The following THSD7A variants were observed in gnomAD, a reference collection of about 807,000 sequenced individuals.
THSD7A encodes the protein thrombospondin type-1 domain-containing protein 7A.
In THSD7A, 96 loss-of-function variants were observed where a neutral mutation model predicts 231.3. The observed-to-expected ratio is 0.41, with a 90% CI of 0.35 to 0.49. THSD7A has a LOEUF of 0.49. Ranked by LOEUF, THSD7A falls within the 20% of genes least tolerant of loss-of-function variation. THSD7A has a pLI of 0.05. For missense variants in THSD7A, 2,290 were observed against 2,070.2 expected, an observed-to-expected ratio of 1.11 and a Z score of -2.06; for synonymous variants, 940 against 743.3, an observed-to-expected ratio of 1.26 and a Z score of -4.30.
intron 1 of THSD7A, among the ~76,000 whole-genome samples, chr7:11,768,286 G>A (rs764820481): frequency 5.3e-5 from 8 of 152,068 alleles, no homozygotes; most frequent in East Asian, 1.9e-4. Context: ...ATTGGCAAAC[G>A]GAATCATATG....
chr7:11,804,899 A>G (rs1157840957), intron 1 of THSD7A, among the ~76,000 whole-genome samples: 2 of 152,108 alleles, frequency 1.3e-5, no homozygotes, highest in East Asian at 3.9e-4. Context: ...GTAATAGAGG[A>G]TCTCTATAAA....
intron 16 of THSD7A, among the ~76,000 whole-genome samples, chr7:11,418,114 G>A (rs1392225777): frequency 6.6e-6 from 1 of 152,176 alleles, no homozygotes; most frequent in Non-Finnish European, 1.5e-5. Flanking sequence ...AGATTTCATT[G>A]AGTGTTTTTG....
chr7:11,482,263 G>T (rs1008061319), intron 6 of THSD7A, among the ~76,000 whole-genome samples: 1 of 152,072 alleles, frequency 6.6e-6, no homozygotes, highest in Non-Finnish European at 1.5e-5. Context: ...ACAGACACCT[G>T]CCCATTAAGT....
At chr7:11,671,055 A>G (rs1458217034) in intron 1 of THSD7A, among the ~76,000 whole-genome samples, 1 of 152,198 alleles carries the variant, frequency 6.6e-6, no homozygotes, top group Non-Finnish European at 1.5e-5. Flanking sequence ...TCTGGAGGCT[A>G]ATAGTAGATA....
In THSD7A at chr7:11,417,587, C is replaced by A. The variant is rs1008712177; in HGVS notation, c.3400G>T (p.Ala1134Ser). ...TCTACATGTTCAGAAGGGCCATCTG[C>A]TGTATTCTGCATGCATCTAGAAAAG... is the stretch of plus-strand genomic sequence containing the variant. ...TRKVRCMQNT[A>S]DGPSEHVEDY... The change falls in exon 17 of 28, where the codon GCA (alanine) becomes TCA (serine). Residue 1134 changes from alanine (A) to serine (S), a missense_variant. Physicochemically the swap from Ala to Ser is moderately conservative, Grantham distance 99 (BLOSUM62 1). Coordinates refer to ENST00000423059, the MANE Select transcript of THSD7A (RefSeq NM_015204.3). The A allele has an allele frequency of 8.1e-6, 13 of 1,608,694 alleles. No individual in the cohort carries two copies. Among genetic ancestry groups the A allele is most frequent in the Non-Finnish European group, 1.1e-5 (13 of 1,178,586 alleles).
At chr7:11,591,674 G>A (rs769886084) in intron 3 of THSD7A, among the ~76,000 whole-genome samples, 19 of 152,086 alleles carry the variant, frequency 1.2e-4, no homozygotes, top group Non-Finnish European at 2.2e-4. Context: ...GTTGCTTAAC[G>A]AATTGTGGGA....
rs767745328 is a variant in THSD7A at position 11,541,427 on chromosome 7, T to C, written c.1814A>G (p.Asn605Ser). 8.7e-6 allele frequency: 14 copies of C among 1,613,992 alleles called. No individual in the cohort carries two copies. In the South Asian group the frequency reaches 9.9e-5, roughly 11 times the overall value. ...AGATACGTCTGTCTTACCATCACTG[T>C]TGATGCACACAACCTCTTGAACTTG... Reference protein sequence around the residue: ...GTQVQEVVCINSDGEEVDRQL... With the variant: ...GTQVQEVVCISSDGEEVDRQL... The change falls in exon 6 of 28, where the codon AAC becomes AGC. Residue 605 changes from asparagine (N) to serine (S), a missense_variant. Asn to Ser is a conservative substitution (Grantham distance 46). Coordinates refer to ENST00000423059, the MANE Select transcript of THSD7A (RefSeq NM_015204.3).
intron 2 of THSD7A, among the ~76,000 whole-genome samples, chr7:11,606,492 T>C (rs1310172360): frequency 6.6e-6 from 1 of 152,144 alleles, no homozygotes; most frequent in Non-Finnish European, 1.5e-5. Context: ...GTATGACTTT[T>C]CATAAATATA....
chr7:11,749,094 T>C (rs555657419), intron 1 of THSD7A, among the ~76,000 whole-genome samples: 14 of 151,934 alleles, frequency 9.2e-5, no homozygotes, highest in Non-Finnish European at 1.9e-4. Flanking sequence ...AGGTGGCGAT[T>C]TGTGGTCCGG....
intron 9 of THSD7A, among the ~76,000 whole-genome samples, chr7:11,468,913 G>T (rs1300081840): frequency 6.6e-6 from 1 of 151,880 alleles, no homozygotes; most frequent in Admixed American, 6.6e-5. Context: ...GATATTTCAA[G>T]GGTATTAAAT....
chr7:11,758,709 A>G (rs1466173926), intron 1 of THSD7A, among the ~76,000 whole-genome samples: 2 of 152,092 alleles, frequency 1.3e-5, no homozygotes, highest in Non-Finnish European at 2.9e-5. Context: ...TGAGAGTTCA[A>G]AGCCACAATC....
At chr7:11,642,543 T>C (rs370232262) in intron 1 of THSD7A, among the ~76,000 whole-genome samples, 1 of 152,130 alleles carries the variant, frequency 6.6e-6, no homozygotes, top group African/African-American at 2.4e-5. Context: ...ACAGATTTTA[T>C]GTAAATCCAG....
intron 1 of THSD7A, among the ~76,000 whole-genome samples, chr7:11,704,387 T>C (rs1780697238): frequency 6.6e-6 from 1 of 151,000 alleles, no homozygotes; most frequent in Non-Finnish European, 1.5e-5. Flanking sequence ...AATGTTTTCT[T>C]CCTGAGTCAT....
intron 3 of THSD7A, among the ~76,000 whole-genome samples, chr7:11,592,566 A>G (rs1294237668): frequency 1.3e-5 from 2 of 152,196 alleles, no homozygotes; most frequent in African/African-American, 4.8e-5. Context: ...AATTCAATGA[A>G]TATTTATTGA....
chr7:11,823,559 T>C (rs1168378999), intron 1 of THSD7A, among the ~76,000 whole-genome samples: 2 of 152,160 alleles, frequency 1.3e-5, no homozygotes, highest in Non-Finnish European at 2.9e-5. Flanking sequence ...ACGGTCATTG[T>C]AACAATATTA....
chr7:11,376,508 G>C, intron 27 of THSD7A, 62 bp downstream of exon 27: 2 of 1,256,092 alleles, frequency 1.6e-6, no homozygotes, highest in Non-Finnish European at 2.2e-6. Context: ...TGAGACATTA[G>C]TTTGCTGTTT....
Position 11,375,562 on chromosome 7 carries a change from A to G in THSD7A, c.*232T>C. The G allele has an allele frequency of 2.8e-6, 1 of 359,732 alleles. No individual in the cohort carries two copies. The highest frequency in any genetic ancestry group is 2.1e-5 in the African/African-American group (1 of 47,638). 22.3% of individuals were successfully genotyped at this position (359,732 alleles called of 1,614,324 possible). A position where few individuals can be genotyped will look rare whatever the true frequency, so the allele number is the denominator to read the frequency against. ...AGATGACATAAAACTTTCAGAATGCAGCATGTATTCAGCTAAATCTCCTAT... is the reference window on the plus strand; with the variant it reads ...AGATGACATAAAACTTTCAGAATGCGGCATGTATTCAGCTAAATCTCCTAT... On this transcript the variant is annotated 3_prime_UTR_variant, in exon 28 of 28. Transcript: ENST00000423059.
chr7:11,707,172 T>C (rs1224218759), intron 1 of THSD7A, among the ~76,000 whole-genome samples: 3 of 150,896 alleles, frequency 2.0e-5, no homozygotes, highest in African/African-American at 7.3e-5. Flanking sequence ...AGTAGGCCTC[T>C]GAATTCTCTT....
intron 4 of THSD7A, among the ~76,000 whole-genome samples, chr7:11,580,570 A>T (rs1024952823): frequency 6.6e-6 from 1 of 152,186 alleles, no homozygotes; most frequent in African/African-American, 2.4e-5. Flanking sequence ...GAATGAAATC[A>T]TATCCTTTGC....
Sources: allele counts gnomAD v4.1 joint callset (sites outside exome capture counted in the v4.1 genomes callset), GRCh38; gene constraint gnomAD v4.1.1; transcripts MANE v1.5; gene names NCBI Gene and HGNC (gene_info 2026-07-23, HGNC 2026-07-21).